CNTN3: variants seen among roughly 807,000 people sequenced by gnomAD.
CNTN3 encodes contactin 3.
CNTN3 carries 60 observed loss-of-function variants against 119.1 expected under a neutral mutation model. That is an observed-to-expected ratio of 0.50 (90% CI 0.41 to 0.62). The LOEUF is 0.62. CNTN3 is among the 20% of genes least tolerant of loss of function. The probability of loss-of-function intolerance (pLI) is 0.00; values close to 1 mark genes in which losing one functional copy is unlikely to be tolerated. For synonymous variants in CNTN3, 450 were observed against 438.7 expected (o/e 1.03, Z -0.32); for missense variants, 1,101 against 1,242.4 (o/e 0.89, Z 1.71).
At chr3:74,344,750 G>C (rs796934184) in intron 11 of CNTN3, among the ~76,000 whole-genome samples, 1 of 152,008 alleles carries the variant, frequency 6.6e-6, no homozygotes, top group Non-Finnish European at 1.5e-5. Context: ...TTGAGACACC[G>C]CGCCCGGCCA....
chr3:74,296,635 G>T (rs1702343130), intron 18 of CNTN3, among the ~76,000 whole-genome samples: 2 of 152,216 alleles, frequency 1.3e-5, no homozygotes, highest in African/African-American at 4.8e-5. Context: ...GAGGGTAGGG[G>T]AGACACTGAT....
chr3:74,295,097 C>A, intron 19 of CNTN3, 24 bp downstream of exon 19: 1 of 1,458,032 alleles, frequency 6.9e-7, no homozygotes, highest in Non-Finnish European at 9.6e-7. Context: ...CACACATACA[C>A]AATTTAATCG....
chr3:74,550,765 C>A (rs140060188), intron 1 of CNTN3, among the ~76,000 whole-genome samples: 5,639 of 152,240 alleles, frequency 0.037, 137 homozygotes, highest in South Asian at 0.069. Context: ...TGGTCTTTAA[C>A]TCCTAGGCTC....
At chr3:74,501,488 G>A (rs1208125818) in intron 2 of CNTN3, among the ~76,000 whole-genome samples, 8 of 152,140 alleles carry the variant, frequency 5.3e-5, no homozygotes, top group Admixed American at 1.3e-4. Flanking sequence ...GCTGATTTTA[G>A]TATGGATCCT....
Position 74,266,638 on chromosome 3 carries a change from C to T in CNTN3, c.2829G>A (p.Arg943=). Residue 943 remains arginine, a synonymous_variant, in exon 22 of 23, where the codon AGG becomes AGA. Transcript: ENST00000263665. ...SEVTGYKVFY[R]TSSQNNVQVL... ...CTTGTACGTTATTTTGACTGCTAGT[C>T]CTATAGAAAACCTAAAATGCATGAA... The T allele has an allele frequency of 6.2e-7, 1 of 1,613,034 alleles. No homozygotes were observed. The highest frequency in any genetic ancestry group is 8.5e-7 in the Non-Finnish European group (1 of 1,179,338).
At chr3:74,396,570 C>T (rs1266797950) in intron 5 of CNTN3, among the ~76,000 whole-genome samples, 1 of 133,082 alleles carries the variant, frequency 7.5e-6, no homozygotes, top group Non-Finnish European at 1.7e-5. Flanking sequence ...CACGGTGAAA[C>T]ACCATCTCTA....
At chr3:74,488,521 C>A (rs1702901809) in intron 3 of CNTN3, among the ~76,000 whole-genome samples, 1 of 152,064 alleles carries the variant, frequency 6.6e-6, no homozygotes, top group East Asian at 1.9e-4. Context: ...GGATGTTTAT[C>A]ATTATGCCCT....
At chr3:74,603,638 C>CT (rs1193454093) in intron 1 of CNTN3, among the ~76,000 whole-genome samples, 3 of 151,874 alleles carry the variant, frequency 2.0e-5, no homozygotes, top group African/African-American at 7.3e-5. Context: ...TTTTTAAGTA[C>CT]TTTTTTTATA....
intron 11 of CNTN3, among the ~76,000 whole-genome samples, chr3:74,346,862 C>A (rs1227204541): frequency 6.6e-6 from 1 of 152,048 alleles, no homozygotes. Flanking sequence ...AAATATAGCA[C>A]ACTCCATATT....
chr3:74,317,608 G>A (rs1461386995), intron 13 of CNTN3, among the ~76,000 whole-genome samples: 4 of 152,166 alleles, frequency 2.6e-5, no homozygotes, highest in Non-Finnish European at 5.9e-5. Flanking sequence ...GCTTAGTTTG[G>A]CTGGATATGA....
intron 4 of CNTN3, among the ~76,000 whole-genome samples, chr3:74,454,450 C>G (rs1268598546): frequency 1.3e-5 from 2 of 151,684 alleles, no homozygotes; most frequent in African/African-American, 4.8e-5. Flanking sequence ...ACTGATGGGT[C>G]TTGACTCTTT....
chr3:74,600,572 TAAAAGCTATCTA>T (rs1294888232), intron 1 of CNTN3, among the ~76,000 whole-genome samples: 1 of 152,044 alleles, frequency 6.6e-6, no homozygotes, highest in Non-Finnish European at 1.5e-5. Context: ...GAATGAAAGT[TAAAAGCTATCTA>T]CAGAGATAAT....
chr3:74,343,406 A>G (rs937730617), intron 11 of CNTN3, among the ~76,000 whole-genome samples: 1 of 152,246 alleles, frequency 6.6e-6, no homozygotes, highest in Non-Finnish European at 1.5e-5. Context: ...CTGGGGAGTC[A>G]TTAGAGAAAT....
intron 5 of CNTN3, among the ~76,000 whole-genome samples, chr3:74,394,425 A>G (rs2106835548): frequency 6.6e-6 from 1 of 152,294 alleles, no homozygotes; most frequent in South Asian, 2.1e-4. Context: ...TCCATTATAG[A>G]GCAAAATGGC....
chr3:74,282,602 G>A (rs1419682224), intron 20 of CNTN3, among the ~76,000 whole-genome samples: 1 of 152,094 alleles, frequency 6.6e-6, no homozygotes, highest in African/African-American at 2.4e-5. Context: ...TAGCAAGCAG[G>A]TAATCAAAAA....
intron 19 of CNTN3, among the ~76,000 whole-genome samples, chr3:74,288,450 C>T (rs2106789328): frequency 6.6e-6 from 1 of 152,186 alleles, no homozygotes; most frequent in Non-Finnish European, 1.5e-5. Context: ...TGAGCCACCA[C>T]GCCTGGCCTA....
intron 4 of CNTN3, among the ~76,000 whole-genome samples, chr3:74,461,280 A>G (rs1315413378): frequency 1.3e-5 from 2 of 151,974 alleles, no homozygotes; most frequent in Non-Finnish European, 2.9e-5. Flanking sequence ...AATCTGTAGC[A>G]GTTTTGCACT....
At chr3:74,582,272 G>A (rs1041149968) in intron 1 of CNTN3, among the ~76,000 whole-genome samples, 4 of 152,072 alleles carry the variant, frequency 2.6e-5, no homozygotes, top group Non-Finnish European at 5.9e-5. Flanking sequence ...TGGGTATGGT[G>A]GCGGGCGCCT....
At chr3:74,314,279 A>C (rs1384264886) in intron 13 of CNTN3, among the ~76,000 whole-genome samples, 1 of 152,246 alleles carries the variant, frequency 6.6e-6, no homozygotes, top group African/African-American at 2.4e-5. Flanking sequence ...AGAAAACTGT[A>C]AGAAATATGA....
Sources: allele counts gnomAD v4.1 joint callset (sites outside exome capture counted in the v4.1 genomes callset), GRCh38; gene constraint gnomAD v4.1.1; transcripts MANE v1.5; gene names NCBI Gene and HGNC (gene_info 2026-07-23, HGNC 2026-07-21).